ARHGEF12: variants seen among roughly 807,000 people sequenced by gnomAD.
ARHGEF12 encodes Rho guanine nucleotide exchange factor 12.
Under a neutral mutation model 211.2 loss-of-function variants are expected in ARHGEF12, and 66 were observed. The ratio of observed to expected loss-of-function variants is 0.31; its 90% CI spans 0.26 to 0.38. The LOEUF is 0.38. Among genes scored for constraint, ARHGEF12 ranks in the 10% least tolerant of loss-of-function variants. The probability of loss-of-function intolerance (pLI) is 1.00; values close to 1 mark genes in which losing one functional copy is unlikely to be tolerated. For missense variants in ARHGEF12, 1,429 were observed against 1,869.5 expected (o/e 0.76, Z 4.34); for synonymous variants, 592 against 638.4 (o/e 0.93, Z 1.09).
rs1167233718 is a variant in ARHGEF12 at position 120,465,298 on chromosome 11, C to G, written c.2675C>G (p.Pro892Arg). 1 of 1,614,158 alleles carries G rather than the reference C, an allele frequency of 6.2e-7. No individual in the cohort carries two copies. The highest frequency in any genetic ancestry group is 2.2e-5 in the East Asian group (1 of 44,878). The stretch of plus-strand genomic sequence containing the variant: ...GCTGCTACCTTTTGCAGTAACCAAC[C>G]TTTCGCCCTGGAAATGATCAAATCT... ...HAAATFCSNQPFALEMIKSRQ... is the reference protein window; with the variant it reads ...HAAATFCSNQRFALEMIKSRQ... The change falls in exon 28 of 41, where the codon CCT becomes CGT. Residue 892 changes from proline to arginine, a missense_variant. Around this residue, in one of 7 missense-constraint regions of ARHGEF12, gnomAD observed 223 missense variants for 444.6 expected, o/e 0.50. Coordinates refer to ENST00000397843, the MANE Select transcript of ARHGEF12 (RefSeq NM_015313.3).
chr11:120,431,555 G>T (rs1206467113), intron 10 of ARHGEF12, among the ~76,000 whole-genome samples: 1 of 151,996 alleles, frequency 6.6e-6, no homozygotes, highest in Admixed American at 6.6e-5. Context: ...AATATCACTT[G>T]CCCTGTCTTT....
At chr11:120,426,227 T>A (rs1945343023) in intron 7 of ARHGEF12, among the ~76,000 whole-genome samples, 1 of 152,230 alleles carries the variant, frequency 6.6e-6, no homozygotes, top group African/African-American at 2.4e-5. Context: ...TTATGCCTGA[T>A]GTCCATTGAG....
intron 1 of ARHGEF12, among the ~76,000 whole-genome samples, chr11:120,373,868 C>T (rs7126328): frequency 0.42 from 63,684 of 152,072 alleles, 13,578 homozygotes; most frequent in African/African-American, 0.48. Flanking sequence ...AGTGCAATGG[C>T]GCGATCTCGG....
chr11:120,450,728 G>A (rs1332238021), intron 21 of ARHGEF12: 1 of 152,044 alleles, frequency 6.6e-6, no homozygotes. Context: ...GGATTGGTCT[G>A]GATGGTCTTT....
chr11:120,416,164 A>C (rs1945020931), intron 4 of ARHGEF12, among the ~76,000 whole-genome samples: 1 of 152,150 alleles, frequency 6.6e-6, no homozygotes, highest in Non-Finnish European at 1.5e-5. Context: ...TATAAAATTG[A>C]CTGTGCATGG....
chr11:120,418,980 T>C (rs1945105561), intron 4 of ARHGEF12, among the ~76,000 whole-genome samples: 1 of 152,102 alleles, frequency 6.6e-6, no homozygotes, highest in Non-Finnish European at 1.5e-5. Flanking sequence ...TTCTTTTTCT[T>C]TCTTTTTTTT....
At chr11:120,442,412 TTATA>T (rs753610695) in intron 15 of ARHGEF12, among the ~76,000 whole-genome samples, 2 of 145,152 alleles carry the variant, frequency 1.4e-5, no homozygotes, top group South Asian at 2.4e-4. Flanking sequence ...TTTTAGGGGA[TTATA>T]TATATATATA....
rs1411810687 is a variant in ARHGEF12, at chr11:120,478,177, C to T, written c.3554C>T (p.Ser1185Phe). The T allele has an allele frequency of 1.2e-6, 2 of 1,613,022 alleles. No homozygotes were observed. Among genetic ancestry groups the T allele is most frequent in the Admixed American group, 1.7e-5 (1 of 59,986 alleles). The change falls in exon 37 of 41, where the codon TCT becomes TTT. Residue 1185 changes from serine (S) to phenylalanine (F), a missense_variant. Around this residue, in one of 7 missense-constraint regions of ARHGEF12, gnomAD observed 467 missense variants for 468.4 expected, o/e 1.00. Transcript: ENST00000397843. ...ACAGACAGAGATTTGGGATTAGAAT[C>T]TACCTTAATATCGTCAAAACCTCAG... is the stretch of plus-strand genomic sequence containing the variant. ...QSPDRDLGLE[S>F]TLISSKPQSH... is the part of the protein sequence containing the mutation.
At chr11:120,470,666 A>G (rs1027172651) in intron 30 of ARHGEF12, among the ~76,000 whole-genome samples, 8 of 152,246 alleles carry the variant, frequency 5.3e-5, no homozygotes, top group Non-Finnish European at 4.4e-5. Context: ...GGCTGTAGAA[A>G]AACTAGTACT....
At chr11:120,370,397 G>A (rs1943556807) in intron 1 of ARHGEF12, among the ~76,000 whole-genome samples, 1 of 152,098 alleles carries the variant, frequency 6.6e-6, no homozygotes, top group African/African-American at 2.4e-5. Flanking sequence ...AGCTTCATAA[G>A]CAAAGTAAAT....
intron 4 of ARHGEF12, chr11:120,411,463 T>G (rs1411216263): frequency 2.0e-5 from 3 of 151,920 alleles, no homozygotes; most frequent in Non-Finnish European, 4.4e-5. Context: ...AGGGTCTTAT[T>G]ATAAGCCCAC....
chr11:120,424,539 G>A (rs914782635), intron 7 of ARHGEF12, 124 bp downstream of exon 7: 6 of 647,940 alleles, frequency 9.3e-6, no homozygotes, highest in South Asian at 6.7e-5. Flanking sequence ...GTCTACTGCC[G>A]ACTCTGTCAT....
intron 1 of ARHGEF12, among the ~76,000 whole-genome samples, chr11:120,340,795 G>T (rs972807593): frequency 6.6e-6 from 1 of 152,114 alleles, no homozygotes; most frequent in African/African-American, 2.4e-5. Context: ...TTTTAGTTCA[G>T]TATAAAATCT....
At position 120,473,013 on chromosome 11, in the gene ARHGEF12, A is replaced by G. The variant is rs575773779; in HGVS notation, c.2956-37A>G. 2.7e-5 allele frequency: 43 copies of G among 1,596,122 alleles called. No individual in the cohort carries two copies. In the East Asian group the frequency reaches 8.7e-4, roughly 32 times the overall value. On this transcript the variant is annotated intron_variant, in intron 30 of 40. Coordinates refer to ENST00000397843, the MANE Select transcript of ARHGEF12 (RefSeq NM_015313.3). ...GAAATAGAGAGGTCATTAATGACCA[A>G]AGCACTAACCTTGGTTCCACCCTGC...
intron 1 of ARHGEF12, among the ~76,000 whole-genome samples, chr11:120,391,726 G>A (rs1475287353): frequency 6.6e-6 from 1 of 152,206 alleles, no homozygotes; most frequent in Non-Finnish European, 1.5e-5. Context: ...ACATAATCTA[G>A]AGAAATTAGG....
intron 16 of ARHGEF12, among the ~76,000 whole-genome samples, chr11:120,446,093 G>A (rs1470725574): frequency 6.6e-6 from 1 of 151,532 alleles, no homozygotes; most frequent in African/African-American, 2.4e-5. Flanking sequence ...AGCTACTCAG[G>A]AGGCTGAGGC....
In ARHGEF12 at chr11:120,414,349, G is replaced by A. The variant is rs112026325; in HGVS notation, c.199+4899G>A. On this transcript the variant is annotated intron_variant, in intron 4 of 40. Coordinates refer to ENST00000397843, the MANE Select transcript of ARHGEF12 (RefSeq NM_015313.3). Reference sequence around the variant, plus strand: ...TTGCCAGGGCAGAAGGTTAATTAGCGTTCTTATAGAAATGTTCCTCTACTT... The same window carrying A: ...TTGCCAGGGCAGAAGGTTAATTAGCATTCTTATAGAAATGTTCCTCTACTT... Among the ~76,000 whole-genome samples, 873 of 152,212 alleles carry A rather than the reference G, an allele frequency of 5.7e-3. 7 individuals carry two copies. Among genetic ancestry groups the A allele is most frequent in the African/African-American group, 0.019 (782 of 41,544 alleles).
At chr11:120,458,055 T>C (rs747181573) in intron 24 of ARHGEF12, 25 bp from the exon 25 acceptor site, 6 of 1,594,396 alleles carry the variant, frequency 3.8e-6, no homozygotes, top group Non-Finnish European at 3.4e-6. Flanking sequence ...GTCTTCAAAT[T>C]GAATTCACTC....
intron 1 of ARHGEF12, among the ~76,000 whole-genome samples, chr11:120,358,388 G>C (rs1472318604): frequency 6.6e-6 from 1 of 152,094 alleles, no homozygotes; most frequent in Non-Finnish European, 1.5e-5. Flanking sequence ...TACTTAGCAA[G>C]ATAGGGAATG....
Sources: gnomAD v4.1 joint callset for allele counts (sites outside exome capture counted in the v4.1 genomes callset) on GRCh38, gnomAD v4.1.1 for gene constraint, gnomAD v4.1.1 regional missense constraint, MANE v1.5 for transcripts, NCBI Gene and HGNC (gene_info 2026-07-23, HGNC 2026-07-21) for gene names.